The following ATP13A4 variants were observed in gnomAD, a reference collection of about 807,000 sequenced individuals.
The protein encoded by ATP13A4 is probable cation-transporting ATPase 13A4.
In ATP13A4, 114 loss-of-function variants were observed where a neutral mutation model predicts 142.5. The ratio of observed to expected loss-of-function variants is 0.80; its 90% confidence interval spans 0.69 to 0.93. The LOEUF is 0.93. Among genes scored for constraint, ATP13A4 ranks in the 40% least tolerant of loss-of-function variants. ATP13A4 has a pLI of 0.00. For missense variants in ATP13A4, 1,392 were observed against 1,454.0 expected (o/e 0.96, Z 0.69); for synonymous variants, 488 against 514.8 (o/e 0.95, Z 0.70).
intron 1 of ATP13A4, among the ~76,000 whole-genome samples, chr3:193,585,523 GTTTAT>G (rs1348170937): frequency 6.6e-6 from 1 of 151,964 alleles, no homozygotes; most frequent in African/African-American, 2.4e-5. Flanking sequence ...GCTATTGTTA[GTTTAT>G]TTTATGTGTG....
At chr3:193,571,667 A>T (rs1039296850) in intron 2 of ATP13A4, among the ~76,000 whole-genome samples, 6 of 152,138 alleles carry the variant, frequency 3.9e-5, no homozygotes, top group Non-Finnish European at 8.8e-5. Context: ...AAAACATCAG[A>T]CAAACCCCAA....
At chr3:193,589,657 T>C (rs1724727809) in intron 1 of ATP13A4, among the ~76,000 whole-genome samples, 1 of 152,192 alleles carries the variant, frequency 6.6e-6, no homozygotes, top group Admixed American at 6.5e-5. Context: ...AATTATTTCA[T>C]GACTTCTGGA....
At chr3:193,491,242 T>C in intron 6 of ATP13A4, 87 bp downstream of exon 6, 1 of 970,334 alleles carries the variant, frequency 1.0e-6, no homozygotes, top group Non-Finnish European at 1.7e-6. Flanking sequence ...AAGTTACTTA[T>C]TAACAATTAG....
At chr3:193,581,181 T>C (rs773974196) in intron 2 of ATP13A4, among the ~76,000 whole-genome samples, 4 of 152,240 alleles carry the variant, frequency 2.6e-5, no homozygotes, top group Admixed American at 2.0e-4. Context: ...GCAAGACTTC[T>C]TTACTGAATT....
chr3:193,493,809 G>A (rs926814752), intron 3 of ATP13A4, among the ~76,000 whole-genome samples: 2 of 151,948 alleles, frequency 1.3e-5, no homozygotes, highest in African/African-American at 4.8e-5. Context: ...ATAAGTCCTC[G>A]GTAAGGTTTT....
intron 7 of ATP13A4, 79 bp downstream of exon 7, chr3:193,489,651 G>A (rs1719831456): frequency 1.4e-6 from 2 of 1,470,950 alleles, no homozygotes; most frequent in South Asian, 2.3e-5. Flanking sequence ...ACTATTTCCT[G>A]ATTCTCCTTT....
At position 193,472,825 on chromosome 3, in the gene ATP13A4, C is replaced by T. The variant is rs145096969; in HGVS notation, c.809-1832G>A. Among the ~76,000 whole-genome samples the T allele has an allele frequency of 3.5e-3, 525 of 152,142 alleles. 5 individuals are homozygous for T. The highest frequency in any genetic ancestry group is 0.012 in the African/African-American group (497 of 41,488). ...GAGGGGACTCCTGTAGATAAAATGA[C>T]GTTAATCAGCCAGGTTTCTCACTGA... On this transcript the variant is annotated intron_variant, in intron 8 of 29. Transcript: ENST00000342695.
At chr3:193,469,580 A>C (rs1718498665) in intron 9 of ATP13A4, among the ~76,000 whole-genome samples, 1 of 152,216 alleles carries the variant, frequency 6.6e-6, no homozygotes, top group Non-Finnish European at 1.5e-5. Context: ...GTGAGCCAAG[A>C]TCAAGCTACT....
chr3:193,530,199 G>GT (rs889478326), intron 1 of ATP13A4, among the ~76,000 whole-genome samples: 94 of 149,212 alleles, frequency 6.3e-4, no homozygotes, highest in African/African-American at 1.6e-3. Flanking sequence ...GTCCAAGTGG[G>GT]TTTTTTTTTC....
At chr3:193,543,831 G>T (rs894530695) in intron 1 of ATP13A4, among the ~76,000 whole-genome samples, 2 of 152,186 alleles carry the variant, frequency 1.3e-5, no homozygotes, top group African/African-American at 4.8e-5. Context: ...TGCATCTCAT[G>T]AAAGTGATGT....
intron 29 of ATP13A4, among the ~76,000 whole-genome samples, chr3:193,403,491 G>A (rs1054508081): frequency 5.3e-5 from 8 of 152,090 alleles, no homozygotes; most frequent in African/African-American, 1.9e-4. Flanking sequence ...CCTTTACAAT[G>A]CAGGGCAGGG....
chr3:193,454,122 T>C lies in ATP13A4; in HGVS notation c.2006A>G (p.His669Arg), dbSNP rs776455012. The change falls in exon 17 of 30, where the codon CAT (histidine) becomes CGT (arginine). Residue 669 changes from histidine to arginine, a missense_variant. Transcript: ENST00000342695. Reference protein sequence around the residue: ...ALAYKKLENDHHATTLTRETV... With the variant: ...ALAYKKLENDRHATTLTRETV... ...TTACCTCGTCAAGGTAGTAGCGTGA[T>C]GGTCATTTTCCAGCTTCTTGTAGGC... 6.2e-7 allele frequency: 1 copy of C among 1,613,384 alleles called. No individual in the cohort carries two copies. Among genetic ancestry groups the C allele is most frequent in the Admixed American group, 1.7e-5 (1 of 60,024 alleles).
chr3:193,452,567 ATT>A (rs751029977), intron 17 of ATP13A4, among the ~76,000 whole-genome samples: 48 of 120,778 alleles, frequency 4.0e-4, no homozygotes, highest in African/African-American at 4.5e-4. Flanking sequence ...ACATTGTGGA[ATT>A]TTTTTTTTTT....
At chr3:193,419,613 G>T (rs528823826) in intron 25 of ATP13A4, among the ~76,000 whole-genome samples, 1 of 147,310 alleles carries the variant, frequency 6.8e-6, no homozygotes, top group Non-Finnish European at 1.5e-5. Flanking sequence ...GCCTCCCAAG[G>T]AATCAATGCT....
At chr3:193,493,332 T>C (rs1720047482) in intron 3 of ATP13A4, among the ~76,000 whole-genome samples, 172 bp from the exon 4 acceptor site, 1 of 152,174 alleles carries the variant, frequency 6.6e-6, no homozygotes. Flanking sequence ...ACAAATGGTA[T>C]TCTTTATTAG....
intron 1 of ATP13A4, among the ~76,000 whole-genome samples, chr3:193,534,832 C>T (rs1218880444): frequency 6.6e-6 from 1 of 152,020 alleles, no homozygotes; most frequent in Non-Finnish European, 1.5e-5. Flanking sequence ...CCGAAAACAT[C>T]TCAAATTTGG....
intron 25 of ATP13A4, among the ~76,000 whole-genome samples, chr3:193,422,294 C>T (rs756887347): frequency 2.0e-5 from 3 of 149,686 alleles, no homozygotes; most frequent in African/African-American, 4.9e-5. Context: ...ACTTCAATAA[C>T]CCACTTTCAA....
intron 25 of ATP13A4, among the ~76,000 whole-genome samples, chr3:193,427,430 T>A (rs1251134321): frequency 3.9e-5 from 6 of 152,162 alleles, no homozygotes; most frequent in African/African-American, 9.7e-5. Flanking sequence ...ATGACTTTCT[T>A]CATAGAATTG....
intron 3 of ATP13A4, among the ~76,000 whole-genome samples, chr3:193,496,706 G>A (rs572599313): frequency 2.0e-5 from 3 of 152,062 alleles, no homozygotes; most frequent in Admixed American, 6.6e-5. Context: ...TAGGAGAATC[G>A]CTTGGACCTG....
Sources: allele counts gnomAD v4.1 joint callset (sites outside exome capture counted in the v4.1 genomes callset), GRCh38; gene constraint gnomAD v4.1.1; transcripts MANE v1.5; gene names NCBI Gene and HGNC (gene_info 2026-07-23, HGNC 2026-07-21).